ATXN10: variants seen among roughly 807,000 people sequenced by gnomAD.
The protein encoded by ATXN10 is ataxin-10.
ATXN10 carries 28 observed loss-of-function variants against 52.9 expected under a neutral mutation model. That is an observed-to-expected ratio of 0.53 (90% confidence interval 0.39 to 0.73). The LOEUF (loss-of-function observed/expected upper bound fraction) is 0.73. Ranked by LOEUF, ATXN10 falls within the 30% of genes least tolerant of loss-of-function variation. ATXN10 has a pLI of 0.00. For missense variants in ATXN10, 565 were observed against 577.0 expected, an observed-to-expected ratio of 0.98 and a Z score of 0.21; for synonymous variants, 226 against 221.5, an observed-to-expected ratio of 1.02 and a Z score of -0.18.
chr22:45,671,906 G>C lies in ATXN10; in HGVS notation c.-158G>C. 1.3e-6 allele frequency: 1 copy of C among 785,874 alleles called. No homozygotes were observed. Among genetic ancestry groups the C allele is most frequent in the Non-Finnish European group, 1.9e-6 (1 of 515,752 alleles). The allele number at this position is 785,874 out of a possible 1,614,324, so 48.7% of individuals were successfully genotyped here. ...TCTCCGGCGGCGGCGCAGCTTCAGG[G>C]CAGCGCGGGCTGCAGCGGCGGCGGC... On this transcript the variant is annotated 5_prime_UTR_variant, in exon 1 of 12. Transcript: ENST00000252934.
intron 9 of ATXN10, chr22:45,793,065 A>T: frequency 3.9e-6 from 1 of 254,332 alleles, no homozygotes; most frequent in Non-Finnish European, 8.2e-6. Flanking sequence ...GACCGTGGTC[A>T]CCAGGTTTGT....
rs1929319340 is a variant in ATXN10 at position 45,840,705 on chromosome 22, C to T, written c.1238-2286C>T. Among the ~76,000 whole-genome samples the T allele has an allele frequency of 2.0e-5, 3 of 152,184 alleles. No individual in the cohort carries two copies. The highest frequency in any genetic ancestry group is 1.3e-4 in the Admixed American group (2 of 15,278). On this transcript the variant is annotated intron_variant, in intron 10 of 11. Coordinates refer to ENST00000252934, the MANE Select transcript of ATXN10 (RefSeq NM_013236.4). The surrounding 1 kb of genome is among the most constrained non-coding windows in gnomAD (Gnocchi z 5.8). The stretch of plus-strand genomic sequence containing the variant: ...CTGCTGGCAGTGACGGTGCTGGCAC[C>T]AGACTCTTCAGTTTCTGAGCCAACC...
chr22:45,804,519 T>C (rs1928035535), intron 9 of ATXN10, among the ~76,000 whole-genome samples: 2 of 152,238 alleles, frequency 1.3e-5, no homozygotes, highest in African/African-American at 4.8e-5. Flanking sequence ...AGATCTGGTT[T>C]CTTTCAGCGG....
chr22:45,748,971 T>G (rs1925842403), intron 9 of ATXN10, among the ~76,000 whole-genome samples: 1 of 152,180 alleles, frequency 6.6e-6, no homozygotes, highest in Admixed American at 6.5e-5. Context: ...AAACCCCTTT[T>G]CTATGTCTTG....
Position 45,773,036 on chromosome 22 carries a change from A to G in ATXN10, c.1173+32498A>G, listed in dbSNP as rs2049086638. Reference sequence around the variant, plus strand: ...CAAGATATTTTTGATCTGCAGTTGAATTAGTCTGACGCTGTGGAACCCAGA... The same window carrying G: ...CAAGATATTTTTGATCTGCAGTTGAGTTAGTCTGACGCTGTGGAACCCAGA... On this transcript the variant is annotated intron_variant, in intron 9 of 11. Transcript: ENST00000252934. Among the ~76,000 whole-genome samples, 3 of 152,200 alleles carry G rather than the reference A, an allele frequency of 2.0e-5. No individual in the cohort carries two copies. The South Asian group carries it at 6.2e-4, about 31-fold the overall frequency.
In ATXN10 at chr22:45,835,021, C is replaced by T. The variant is rs954581212; in HGVS notation, c.1238-7970C>T. On this transcript the variant is annotated intron_variant, in intron 10 of 11. Coordinates refer to ENST00000252934, the MANE Select transcript of ATXN10 (RefSeq NM_013236.4). The surrounding 1 kb of genome is among the most constrained non-coding windows in gnomAD (Gnocchi z 5.0). ...CAGACTGTGACTGCTTCGTACCACG[C>T]TTTGCTTTGAAGTGGTCAGTAAAAT... Among the ~76,000 whole-genome samples, 1 of 152,226 alleles carries T rather than the reference C, an allele frequency of 6.6e-6. No homozygotes were observed. Among genetic ancestry groups the T allele is most frequent in the Admixed American group, 6.5e-5 (1 of 15,286 alleles).
intron 9 of ATXN10, among the ~76,000 whole-genome samples, chr22:45,756,931 G>GA (rs1321264415): frequency 6.6e-6 from 1 of 152,236 alleles, no homozygotes; most frequent in Non-Finnish European, 1.5e-5. Context: ...GGGGGCAAGA[G>GA]AGGGAGTTGG....
intron 5 of ATXN10, among the ~76,000 whole-genome samples, chr22:45,711,925 A>G (rs1007342143): frequency 2.6e-5 from 4 of 152,316 alleles, no homozygotes; most frequent in East Asian, 1.9e-4. Flanking sequence ...CCAACAGTGT[A>G]TGGAATGCAT....
chr22:45,676,111 T>C (rs1922677558), intron 1 of ATXN10: 1 of 152,218 alleles, frequency 6.6e-6, no homozygotes, highest in Non-Finnish European at 1.5e-5. Context: ...CCTTTAATTA[T>C]TTTTCTTTTT....
intron 9 of ATXN10, among the ~76,000 whole-genome samples, chr22:45,753,901 G>T (rs998468999): frequency 6.6e-6 from 1 of 152,150 alleles, no homozygotes; most frequent in African/African-American, 2.4e-5. Context: ...TCCCATCCTA[G>T]ACTAGAGTTT....
intron 2 of ATXN10, among the ~76,000 whole-genome samples, chr22:45,691,333 G>A (rs1022560716): frequency 1.3e-5 from 2 of 152,226 alleles, no homozygotes; most frequent in Admixed American, 1.3e-4. Context: ...TGGTGGGGAA[G>A]GGAGTGAGCA....
At chr22:45,756,125 G>A (rs539482412) in intron 9 of ATXN10, among the ~76,000 whole-genome samples, 1 of 152,198 alleles carries the variant, frequency 6.6e-6, no homozygotes, top group South Asian at 2.1e-4. Context: ...GTTTAAAATG[G>A]AATTCTCTTT....
chr22:45,756,558 A>G (rs1926181012), intron 9 of ATXN10, among the ~76,000 whole-genome samples: 2 of 152,222 alleles, frequency 1.3e-5, no homozygotes, highest in African/African-American at 4.8e-5. Flanking sequence ...GAGAATATGT[A>G]TGCTTTAATC....
chr22:45,775,050 G>T lies in ATXN10; in HGVS notation c.1174-31909G>T, dbSNP rs1926904163. ...TTTTCTGGTAGTTTGTAAAACTTTA[G>T]TGTTGTATTACCAGAAGCACTTATC... is the stretch of plus-strand genomic sequence containing the variant. On this transcript the variant is annotated intron_variant, in intron 9 of 11. Transcript: ENST00000252934. This position sits in a 1 kb window ranked among gnomAD's most constrained non-coding sequence, Gnocchi z 4.7. Among the ~76,000 whole-genome samples the T allele has an allele frequency of 6.6e-6, 1 of 152,218 alleles. No individual in the cohort carries two copies. Among genetic ancestry groups the T allele is most frequent in the Non-Finnish European group, 1.5e-5 (1 of 68,036 alleles).
At chr22:45,796,108 A>C (rs1467156964) in intron 9 of ATXN10, among the ~76,000 whole-genome samples, 1 of 152,204 alleles carries the variant, frequency 6.6e-6, no homozygotes, top group Non-Finnish European at 1.5e-5. Flanking sequence ...CTCAGCAAGG[A>C]ATAACCCTGG....
At chr22:45,792,828 A>T (rs924463512) in intron 9 of ATXN10, 1 of 532,014 alleles carries the variant, frequency 1.9e-6, no homozygotes, top group African/African-American at 1.9e-5. Flanking sequence ...TGAGGCCAAA[A>T]GAGTCATTGG....
chr22:45,682,001 C>T (rs752875358), intron 1 of ATXN10, among the ~76,000 whole-genome samples: 1 of 152,182 alleles, frequency 6.6e-6, no homozygotes, highest in Non-Finnish European at 1.5e-5. Context: ...ATGAGCTCCC[C>T]TTAAGTTTGC....
Position 45,790,089 on chromosome 22 carries a change from TA to T in ATXN10, c.1174-16867del, listed in dbSNP as rs1235441705. Among the ~76,000 whole-genome samples, 37 of 152,350 alleles carry T rather than the reference TA, an allele frequency of 2.4e-4. No individual in the cohort carries two copies. Among genetic ancestry groups the T allele is most frequent in the Admixed American group, 1.8e-3 (28 of 15,308 alleles). On this transcript the variant is annotated intron_variant, in intron 9 of 11. Coordinates refer to ENST00000252934, the MANE Select transcript of ATXN10 (RefSeq NM_013236.4). The surrounding 1 kb of genome is among the most constrained non-coding windows in gnomAD (Gnocchi z 4.7). The stretch of plus-strand genomic sequence containing the variant: ...AAAATCCAAAGATAACATTGCATTT[TA>T]AATTAAAGTCCAAAGGCATTAAAGT...
In ATXN10 at chr22:45,781,677, G is replaced by A. The variant is rs567500656; in HGVS notation, c.1174-25282G>A. On this transcript the variant is annotated intron_variant, in intron 9 of 11. Transcript: ENST00000252934. The surrounding 1 kb of genome is among the most constrained non-coding windows in gnomAD (Gnocchi z 4.2). ...CATGGATGTTGGAATAATCTGATGA[G>A]GATTTCAAAGCATCCATCATAGAAA... Among the ~76,000 whole-genome samples the A allele has an allele frequency of 1.4e-4, 21 of 152,290 alleles. No homozygotes were observed. Among genetic ancestry groups the A allele is most frequent in the African/African-American group, 4.8e-4 (20 of 41,560 alleles).
Sources: allele counts gnomAD v4.1 joint callset (sites outside exome capture counted in the v4.1 genomes callset), GRCh38; gene constraint gnomAD v4.1.1; non-coding constraint Gnocchi (gnomAD v3.1); transcripts MANE v1.5; gene names NCBI Gene and HGNC (gene_info 2026-07-23, HGNC 2026-07-21).